Variants in RAD51B observed in about 807,000 individuals in gnomAD.
The protein encoded by RAD51B is DNA repair protein RAD51 homolog 2.
In RAD51B, 38 loss-of-function variants were observed where a neutral mutation model predicts 42.2. That is an observed-to-expected ratio of 0.90 (90% CI 0.70 to 1.18). RAD51B has a LOEUF of 1.18. RAD51B is among the 50% of genes most tolerant of loss of function. RAD51B has a pLI of 0.00. For missense variants in RAD51B, 373 were observed against 400.7 expected, an observed-to-expected ratio of 0.93 and a Z score of 0.59; for synonymous variants, 154 against 145.2, an observed-to-expected ratio of 1.06 and a Z score of -0.43.
At chr14:67,953,842 A>G (rs2074499415) in intron 7 of RAD51B, among the ~76,000 whole-genome samples, 1 of 152,146 alleles carries the variant, frequency 6.6e-6, no homozygotes, top group Non-Finnish European at 1.5e-5. Context: ...TGGGAAATTA[A>G]GAAGATGTAT....
At chr14:68,056,093 C>G (rs2076469847) in intron 7 of RAD51B, among the ~76,000 whole-genome samples, 1 of 152,130 alleles carries the variant, frequency 6.6e-6, no homozygotes, top group Non-Finnish European at 1.5e-5. Context: ...TTACTAGAAA[C>G]TAGAGCTTAC....
At chr14:68,430,485 T>C (rs375537952) in intron 9 of RAD51B, among the ~76,000 whole-genome samples, 2 of 152,340 alleles carry the variant, frequency 1.3e-5, no homozygotes, top group East Asian at 1.9e-4. Flanking sequence ...GTTGGATTCC[T>C]AGGTATTTTA....
chr14:68,500,348 G>A (rs1884832366), intron 10 of RAD51B, among the ~76,000 whole-genome samples: 1 of 152,244 alleles, frequency 6.6e-6, no homozygotes, highest in Admixed American at 6.5e-5. Flanking sequence ...GGCTCTGGGA[G>A]GTAATGGAAT....
intron 10 of RAD51B, among the ~76,000 whole-genome samples, chr14:68,608,545 G>C (rs538199312): frequency 6.6e-6 from 1 of 152,328 alleles, no homozygotes; most frequent in African/African-American, 2.4e-5. Context: ...CCTGGAGGAG[G>C]AGAGCAGCTG....
intron 8 of RAD51B, among the ~76,000 whole-genome samples, chr14:68,292,663 C>G (rs10143539): frequency 0.04 from 6,061 of 152,250 alleles, 402 homozygotes; most frequent in African/African-American, 0.14. Context: ...CATAGCTCTT[C>G]CAGGCCCCTC....
intron 4 of RAD51B, among the ~76,000 whole-genome samples, chr14:67,838,465 C>G (rs999780196): frequency 1.3e-5 from 2 of 151,754 alleles, no homozygotes; most frequent in African/African-American, 4.8e-5. Context: ...AAAAAAGATA[C>G]ATGGTCTAGC....
intron 5 of RAD51B, among the ~76,000 whole-genome samples, chr14:67,884,597 T>A (rs1009080525): frequency 6.6e-6 from 1 of 152,144 alleles, no homozygotes; most frequent in Non-Finnish European, 1.5e-5. Context: ...CCTGTGCCAA[T>A]GCCATCTCAT....
chr14:68,550,684 A>G (rs1477842376), intron 10 of RAD51B, among the ~76,000 whole-genome samples: 2 of 152,148 alleles, frequency 1.3e-5, no homozygotes, highest in African/African-American at 2.4e-5. Context: ...TCCTTCCTTC[A>G]TATGCAATAT....
chr14:68,394,770 C>T (rs1056162305), intron 8 of RAD51B, among the ~76,000 whole-genome samples: 14 of 152,334 alleles, frequency 9.2e-5, no homozygotes, highest in African/African-American at 3.4e-4. Context: ...TTTACTTCAC[C>T]TCTGCCAGGG....
intron 8 of RAD51B, among the ~76,000 whole-genome samples, chr14:68,348,440 C>T (rs567414352): frequency 2.6e-5 from 4 of 152,204 alleles, no homozygotes; most frequent in Middle Eastern, 3.4e-3. Flanking sequence ...CTTGTGATTT[C>T]CTTGTGCTCT....
chr14:68,120,774 C>A (rs2077637102), intron 7 of RAD51B, among the ~76,000 whole-genome samples: 1 of 152,124 alleles, frequency 6.6e-6, no homozygotes, highest in African/African-American at 2.4e-5. Context: ...ACTCTCTTGC[C>A]ATGTGCCCAT....
At chr14:68,422,444 C>T (rs1333970555) in intron 9 of RAD51B, among the ~76,000 whole-genome samples, 1 of 151,574 alleles carries the variant, frequency 6.6e-6, no homozygotes, top group Non-Finnish European at 1.5e-5. Flanking sequence ...ACCTGTAATC[C>T]CAGCTACTTG....
intron 11 of RAD51B, among the ~76,000 whole-genome samples, chr14:68,682,770 G>A (rs1014992152): frequency 6.6e-6 from 1 of 151,944 alleles, no homozygotes; most frequent in South Asian, 2.1e-4. Context: ...TTCGCATGTC[G>A]TGAATCTTGA....
At chr14:68,295,014 C>T (rs553183086) in intron 8 of RAD51B, among the ~76,000 whole-genome samples, 3 of 152,228 alleles carry the variant, frequency 2.0e-5, no homozygotes, top group Non-Finnish European at 4.4e-5. Context: ...AAGTTCCATT[C>T]TCCCAATAGT....
At chr14:68,630,467 C>T (rs1892200398) in intron 10 of RAD51B, among the ~76,000 whole-genome samples, 1 of 152,086 alleles carries the variant, frequency 6.6e-6, no homozygotes, top group South Asian at 2.1e-4. Context: ...GCAGAATCTC[C>T]CCAGCTATAA....
chr14:68,070,552 T>C (rs1256184305), intron 7 of RAD51B, among the ~76,000 whole-genome samples: 1 of 152,204 alleles, frequency 6.6e-6, no homozygotes, highest in Non-Finnish European at 1.5e-5. Context: ...CCCCATTGCT[T>C]GTTTTTATTG....
intron 11 of RAD51B, among the ~76,000 whole-genome samples, chr14:68,657,304 G>C (rs919539365): frequency 6.6e-6 from 1 of 152,196 alleles, no homozygotes; most frequent in African/African-American, 2.4e-5. Flanking sequence ...TTCATGGCTA[G>C]GGCATGCTGC....
intron 5 of RAD51B, among the ~76,000 whole-genome samples, chr14:67,883,643 G>A (rs372198918): frequency 1.3e-5 from 2 of 152,146 alleles, no homozygotes; most frequent in East Asian, 1.9e-4. Context: ...AATAGCGCTA[G>A]CCCCACCTGT....
intron 10 of RAD51B, among the ~76,000 whole-genome samples, chr14:68,579,281 AC>A (rs1281083730): frequency 6.6e-6 from 1 of 151,926 alleles, no homozygotes; most frequent in East Asian, 1.9e-4. Flanking sequence ...CTCCATTACT[AC>A]CCATGGAGAT....
Sources: allele counts gnomAD v4.1 joint callset (sites outside exome capture counted in the v4.1 genomes callset), GRCh38; gene constraint gnomAD v4.1.1; transcripts MANE v1.5; gene names NCBI Gene and HGNC (gene_info 2026-07-23, HGNC 2026-07-21).